The following IGLL5 variants were observed in gnomAD, a reference collection of about 807,000 sequenced individuals.
The protein encoded by IGLL5 is immunoglobulin lambda like polypeptide 5.
A neutral mutation model predicts 20.9 loss-of-function variants in IGLL5; 30 were observed. The ratio of observed to expected loss-of-function variants is 1.44; its 90% CI spans 1.07 to 1.95. The LOEUF (loss-of-function observed/expected upper bound fraction) is 1.95. IGLL5 is among the 30% of genes most tolerant of loss of function. The pLI is 0.00. For synonymous variants in IGLL5, 203 were observed against 117.3 expected (o/e 1.73, Z -4.72); for missense variants, 475 against 270.7 (o/e 1.75, Z -5.30).
chr22:22,887,892 G>A lies in IGLL5; in HGVS notation c.-162G>A, dbSNP rs2067552504. On this transcript the variant is annotated 5_prime_UTR_variant, in exon 1 of 3. Transcript: ENST00000526893. ...GGTGACAGCCATGGACCCTGGAAGG[G>A]CCTGGGCTAGGGACAGGGACCAGAG... is the stretch of plus-strand genomic sequence containing the variant. The A allele has an allele frequency of 1.5e-6, 1 of 682,246 alleles. No homozygotes were observed. The highest frequency in any genetic ancestry group is 2.7e-6 in the Non-Finnish European group (1 of 375,800). The allele number at this position is 682,246 out of a possible 1,614,324, so 42.3% of individuals were successfully genotyped here. A position where few individuals can be genotyped will look rare whatever the true frequency, so the allele number is the denominator to read the frequency against.
Position 22,895,823 on chromosome 22 carries a change from G to A in IGLL5, c.*129G>A, listed in dbSNP as rs2066756167. The A allele has an allele frequency of 4.6e-6, 4 of 875,394 alleles. 1 individual carries two copies. The highest frequency in any genetic ancestry group is 1.9e-6 in the Non-Finnish European group (1 of 540,394). The allele number at this position is 875,394 out of a possible 1,614,324, so 54.2% of individuals were successfully genotyped here. On this transcript the variant is annotated 3_prime_UTR_variant, in exon 3 of 3. Coordinates refer to ENST00000526893, the MANE Select transcript of IGLL5 (RefSeq NM_001178126.2). ...TGAAACCCCAATAAATATCCTCATT[G>A]ACAACCAGAAATCTTGTTTTATCTC...
intron 2 of IGLL5, among the ~76,000 whole-genome samples, 185 bp downstream of exon 2, chr22:22,894,003 T>C (rs548758825): frequency 3.3e-5 from 5 of 149,870 alleles, no homozygotes; most frequent in East Asian, 2.0e-4. Flanking sequence ...GCCTCCACAG[T>C]GGGAGCAGCC....
Position 22,893,826 on chromosome 22 carries a change from GCT to G in IGLL5, c.325+12_325+13del, listed in dbSNP as rs2067929639. ...CCAAGGTCACCGTCCTAGGTAAGTG[GCT>G]CTCAACCTTTCCCAGCCTGTCTCAC... On this transcript the variant is annotated intron_variant, in intron 2 of 2. Transcript: ENST00000526893. The G allele has an allele frequency of 6.4e-7, 1 of 1,565,128 alleles. No individual in the cohort carries two copies. Among genetic ancestry groups the G allele is most frequent in the Admixed American group, 1.7e-5 (1 of 59,682 alleles).
chr22:22,888,615 C>T (rs758741228), intron 1 of IGLL5, among the ~76,000 whole-genome samples: 2 of 151,290 alleles, frequency 1.3e-5, no homozygotes, highest in East Asian at 2.0e-4. Context: ...CCACAGGGTG[C>T]CCAGGCCTGT....
At chr22:22,889,613 A>T in intron 1 of IGLL5, among the ~76,000 whole-genome samples, 1 of 151,288 alleles carries the variant, frequency 6.6e-6, no homozygotes, top group African/African-American at 2.4e-5. Flanking sequence ...GTTTTGAAAC[A>T]GTCTTGATCT....
chr22:22,888,872 C>T (rs2067659046), intron 1 of IGLL5, among the ~76,000 whole-genome samples: 2 of 151,432 alleles, frequency 1.3e-5, no homozygotes, highest in Middle Eastern at 3.7e-3. Context: ...AGGGGATCTC[C>T]CTCTGGGATG....
At chr22:22,889,105 T>G (rs527437510) in intron 1 of IGLL5, among the ~76,000 whole-genome samples, 1 of 151,054 alleles carries the variant, frequency 6.6e-6, no homozygotes, top group Non-Finnish European at 1.5e-5. Context: ...AGATTTGTGT[T>G]TTTGGAAAAA....
intron 1 of IGLL5, among the ~76,000 whole-genome samples, 179 bp downstream of exon 1, chr22:22,888,438 T>G (rs1569079694): frequency 6.6e-6 from 1 of 151,506 alleles, no homozygotes; most frequent in Non-Finnish European, 1.5e-5. Flanking sequence ...TTTGAATTAC[T>G]GTTTTTAATA....
intron 2 of IGLL5, 92 bp downstream of exon 2, chr22:22,893,910 C>G (rs182473958): frequency 6.7e-6 from 6 of 898,194 alleles, no homozygotes; most frequent in Middle Eastern, 2.1e-4. Flanking sequence ...CCCCTCTGTC[C>G]TCCCAGCCTT....
intron 2 of IGLL5, among the ~76,000 whole-genome samples, chr22:22,894,848 G>T (rs553129962): frequency 6.6e-6 from 1 of 151,364 alleles, no homozygotes; most frequent in Admixed American, 6.6e-5. Context: ...AGTGGGCTGG[G>T]CTGGGGCAGA....
Position 22,887,989 on chromosome 22 carries a change from G to GGCACCGTCCT in IGLL5, c.-64_-55dup. On this transcript the variant is annotated 5_prime_UTR_variant, in exon 1 of 3. Coordinates refer to ENST00000526893, the MANE Select transcript of IGLL5 (RefSeq NM_001178126.2). Reference sequence around the variant, plus strand: ...CAGCCCTGCTGGCGAGAGGGACCAGGGCACCGTCCTCCAGGGAGCCCATGC... The same window carrying GGCACCGTCCT: ...CAGCCCTGCTGGCGAGAGGGACCAGGGCACCGTCCTGCACCGTCCTCCAGGGAGCCCATGC... 7.6e-7 allele frequency: 1 copy of GGCACCGTCCT among 1,310,300 alleles called. No individual in the cohort carries two copies. Among genetic ancestry groups the GGCACCGTCCT allele is most frequent in the Non-Finnish European group, 1.1e-6 (1 of 929,172 alleles). 81.2% of individuals were successfully genotyped at this position (1,310,300 alleles called of 1,614,324 possible). A position where few individuals can be genotyped will look rare whatever the true frequency, so the allele number is the denominator to read the frequency against.
At position 22,892,408 on chromosome 22, in the gene IGLL5, G is replaced by C. The variant is rs796506484; in HGVS notation, c.207-1292G>C. 1.1e-4 allele frequency among the ~76,000 whole-genome samples: 16 copies of C among 151,208 alleles called. 1 individual carries two copies. Among genetic ancestry groups the C allele is most frequent in the African/African-American group, 3.9e-4 (16 of 41,218 alleles). The stretch of plus-strand genomic sequence containing the variant: ...TCAGATTTGGAAAAACCTGAGGATG[G>C]TTGCCATCATAAACTCTTAGAGTGT... On this transcript the variant is annotated intron_variant, in intron 1 of 2. Coordinates refer to ENST00000526893, the MANE Select transcript of IGLL5 (RefSeq NM_001178126.2).
intron 1 of IGLL5, among the ~76,000 whole-genome samples, chr22:22,889,133 G>A (rs1369818399): frequency 2.6e-5 from 4 of 151,218 alleles, no homozygotes; most frequent in Admixed American, 2.0e-4. Context: ...CGGATTGGAG[G>A]CTGATGCGAC....
Position 22,888,282 on chromosome 22 carries a change from G to C in IGLL5, c.206+23G>C, listed in dbSNP as rs748923193. On this transcript the variant is annotated intron_variant, in intron 1 of 2. Transcript: ENST00000526893. The stretch of plus-strand genomic sequence containing the variant: ...CAGGTAAGGGGCAAGAGATTCCAGG[G>C]GATGTGGGGGTCCTGCAGCAGAGCT... 3 of 1,543,018 alleles carry C rather than the reference G, an allele frequency of 1.9e-6. 1 individual carries two copies. The highest frequency in any genetic ancestry group is 1.2e-5 in the South Asian group (1 of 83,746).
intron 1 of IGLL5, among the ~76,000 whole-genome samples, chr22:22,890,000 A>T (rs2067768211): frequency 6.6e-6 from 1 of 151,024 alleles, no homozygotes; most frequent in African/African-American, 2.4e-5. Flanking sequence ...ACCTAATTTT[A>T]ATGTGGCTTT....
In IGLL5 at chr22:22,893,837, T is replaced by C. The variant is rs368281971; in HGVS notation, c.325+19T>C. 4.7e-6 allele frequency: 7 copies of C among 1,504,044 alleles called. No individual in the cohort carries two copies. Among genetic ancestry groups the C allele is most frequent in the Admixed American group, 1.7e-5 (1 of 59,700 alleles). The allele number at this position is 1,504,044 out of a possible 1,614,324, so 93.2% of individuals were successfully genotyped here. On this transcript the variant is annotated intron_variant, in intron 2 of 2. Coordinates refer to ENST00000526893, the MANE Select transcript of IGLL5 (RefSeq NM_001178126.2). Reference sequence around the variant, plus strand: ...GTCCTAGGTAAGTGGCTCTCAACCTTTCCCAGCCTGTCTCACCCTCTGCTG... The same window carrying C: ...GTCCTAGGTAAGTGGCTCTCAACCTCTCCCAGCCTGTCTCACCCTCTGCTG...
rs1601632471 is a variant in IGLL5 at position 22,895,816 on chromosome 22, C to T, written c.*122C>T. The T allele has an allele frequency of 2.2e-6, 2 of 898,576 alleles. No homozygotes were observed. The highest frequency in any genetic ancestry group is 2.2e-5 in the Admixed American group (1 of 46,162). 55.7% of individuals were successfully genotyped at this position (898,576 alleles called of 1,614,324 possible). A position where few individuals can be genotyped will look rare whatever the true frequency, so the allele number is the denominator to read the frequency against. On this transcript the variant is annotated 3_prime_UTR_variant, in exon 3 of 3. Coordinates refer to ENST00000526893, the MANE Select transcript of IGLL5 (RefSeq NM_001178126.2). ...GCACTCATGAAACCCCAATAAATATCCTCATTGACAACCAGAAATCTTGTT... is the reference window on the plus strand; with the variant it reads ...GCACTCATGAAACCCCAATAAATATTCTCATTGACAACCAGAAATCTTGTT...
chr22:22,890,263 T>C (rs2146005590), intron 1 of IGLL5, among the ~76,000 whole-genome samples: 1 of 149,742 alleles, frequency 6.7e-6, no homozygotes, highest in Admixed American at 6.7e-5. Context: ...ACTGTCAGGT[T>C]GGTCAATATA....
intron 1 of IGLL5, among the ~76,000 whole-genome samples, chr22:22,888,875 C>G (rs2145987789): frequency 6.6e-6 from 1 of 151,452 alleles, no homozygotes; most frequent in East Asian, 2.0e-4. Flanking sequence ...GGATCTCCCT[C>G]TGGGATGATG....
Sources: gnomAD v4.1 joint callset for allele counts (sites outside exome capture counted in the v4.1 genomes callset) on GRCh38, gnomAD v4.1.1 for gene constraint, MANE v1.5 for transcripts, NCBI Gene and HGNC (gene_info 2026-07-23, HGNC 2026-07-21) for gene names.